TBL1X: variants seen among roughly 807,000 people sequenced by gnomAD.
TBL1X encodes the protein F-box-like/WD repeat-containing protein TBL1X.
TBL1X carries 10 observed loss-of-function variants against 50.7 expected under a neutral mutation model. The ratio of observed to expected loss-of-function variants is 0.20; its 90% confidence interval spans 0.12 to 0.33. The LOEUF is 0.33. Among genes scored for constraint, TBL1X ranks in the 10% least tolerant of loss-of-function variants. The pLI, the probability that TBL1X is intolerant of heterozygous loss-of-function variation, is 1.00. For missense variants in TBL1X, 340 were observed against 504.4 expected (o/e 0.67, Z 3.12); for synonymous variants, 190 against 214.7 (o/e 0.88, Z 1.01).
At chrX:9,679,261 T>C (rs2083011700) in intron 5 of TBL1X, among the ~76,000 whole-genome samples, 1 of 109,815 alleles carries the variant, frequency 9.1e-6, no homozygotes, top group African/African-American at 3.3e-5. Flanking sequence ...GAAACATTTT[T>C]GGTTGTTACA....
chrX:9,609,938 C>G (rs781373173), intron 2 of TBL1X, among the ~76,000 whole-genome samples: 1 of 112,659 alleles, frequency 8.9e-6, no homozygotes, highest in Non-Finnish European at 1.9e-5. Context: ...ATTGCACTTT[C>G]TGAGTTTCTC....
At chrX:9,661,382 G>A (rs1053906667) in intron 5 of TBL1X, among the ~76,000 whole-genome samples, 10 of 111,584 alleles carry the variant, frequency 9.0e-5, no homozygotes, top group African/African-American at 2.9e-4. Flanking sequence ...AAAATTAGCC[G>A]GGTGTGGTGG....
At chrX:9,550,980 T>C (rs918438596) in intron 2 of TBL1X, among the ~76,000 whole-genome samples, 2 of 110,824 alleles carry the variant, frequency 1.8e-5, no homozygotes, top group Non-Finnish European at 3.8e-5. Flanking sequence ...CAACCAAGAA[T>C]GATTTAGCCC....
chrX:9,575,114 G>T (rs954781561), intron 2 of TBL1X, among the ~76,000 whole-genome samples: 3 of 111,600 alleles, frequency 2.7e-5, no homozygotes, highest in African/African-American at 9.8e-5. Flanking sequence ...GGCAGAAGGC[G>T]AAGAGGAGGC....
intron 2 of TBL1X, among the ~76,000 whole-genome samples, chrX:9,636,124 T>G (rs1271853461): frequency 1.8e-5 from 2 of 111,921 alleles, no homozygotes; most frequent in African/African-American, 6.5e-5. Flanking sequence ...GAAAGCATTC[T>G]GTGGTCACCA....
intron 2 of TBL1X, among the ~76,000 whole-genome samples, chrX:9,626,300 A>G (rs1418640133): frequency 8.9e-6 from 1 of 112,101 alleles, no homozygotes; most frequent in Non-Finnish European, 1.9e-5. Context: ...TAGTTTGGAA[A>G]TTCTGATCAC....
At chrX:9,596,197 A>G (rs2082525750) in intron 2 of TBL1X, among the ~76,000 whole-genome samples, 1 of 112,428 alleles carries the variant, frequency 8.9e-6, no homozygotes, top group South Asian at 3.7e-4. Flanking sequence ...TTCATCAATG[A>G]AGATTAGATG....
chrX:9,711,833 GA>G, intron 16 of TBL1X, 57 bp downstream of exon 16: 1 of 1,125,876 alleles, frequency 8.9e-7, no homozygotes, highest in Non-Finnish European at 1.2e-6. Context: ...AAATAGCCAC[GA>G]CTCCAGTGCC....
At chrX:9,583,484 C>T (rs1213941190) in intron 2 of TBL1X, among the ~76,000 whole-genome samples, 1 of 111,683 alleles carries the variant, frequency 9.0e-6, no homozygotes, top group African/African-American at 3.3e-5. Flanking sequence ...TACAGATTAT[C>T]TTTGTGTTGT....
chrX:9,656,822 T>G, intron 5 of TBL1X, among the ~76,000 whole-genome samples: 1 of 112,513 alleles, frequency 8.9e-6, no homozygotes, highest in East Asian at 2.8e-4. Context: ...ATTCTGGGGT[T>G]ATTTTCTATG....
chrX:9,573,320 G>A (rs1478849495), intron 2 of TBL1X, among the ~76,000 whole-genome samples: 1 of 112,096 alleles, frequency 8.9e-6, no homozygotes, highest in African/African-American at 3.2e-5. Context: ...TTTTTGTTAT[G>A]TGACCAGTGT....
At chrX:9,569,522 G>C (rs878975608) in intron 2 of TBL1X, among the ~76,000 whole-genome samples, 1 of 112,062 alleles carries the variant, frequency 8.9e-6, no homozygotes, top group Non-Finnish European at 1.9e-5. Flanking sequence ...TGAGATCTGA[G>C]TAACAGGGAC....
chrX:9,654,740 A>G (rs1045169223), intron 5 of TBL1X, among the ~76,000 whole-genome samples: 5 of 111,013 alleles, frequency 4.5e-5, no homozygotes, highest in Non-Finnish European at 9.4e-5. Flanking sequence ...GCAATTTTCT[A>G]AAACTTAGGA....
chrX:9,512,743 C>A (rs780766967), intron 2 of TBL1X, among the ~76,000 whole-genome samples: 2 of 111,616 alleles, frequency 1.8e-5, no homozygotes, highest in African/African-American at 6.5e-5. Flanking sequence ...AGGTGATCCT[C>A]CCGCCTCAGC....
intron 5 of TBL1X, among the ~76,000 whole-genome samples, chrX:9,659,771 C>T (rs1054911977): frequency 8.9e-6 from 1 of 111,952 alleles, no homozygotes; most frequent in Non-Finnish European, 1.9e-5. Flanking sequence ...CAGAACTCCT[C>T]TGCCTGTCGC....
At chrX:9,650,358 C>G (rs1295657347) in intron 3 of TBL1X, among the ~76,000 whole-genome samples, 1 of 111,471 alleles carries the variant, frequency 9.0e-6, no homozygotes, top group African/African-American at 3.3e-5. Flanking sequence ...TTTTTTTCCC[C>G]CAGAGTAAAA....
At chrX:9,580,589 C>A (rs2082435680) in intron 2 of TBL1X, among the ~76,000 whole-genome samples, 1 of 110,847 alleles carries the variant, frequency 9.0e-6, no homozygotes, top group Non-Finnish European at 1.9e-5. Context: ...ATTTGGGAGC[C>A]CCAAGATTTA....
intron 3 of TBL1X, among the ~76,000 whole-genome samples, chrX:9,651,773 A>G (rs752752124): frequency 2.7e-5 from 3 of 112,585 alleles, no homozygotes; most frequent in Admixed American, 9.4e-5. Flanking sequence ...AGTATGTGCA[A>G]AAGTACAGAA....
rs748102252 is a variant in TBL1X, at chrX:9,709,277, G to A, written c.1266G>A (p.Pro422=). 5.0e-5 allele frequency: 60 copies of A among 1,210,002 alleles called. No individual in the cohort carries two copies. The highest frequency in any genetic ancestry group is 6.0e-5 in the Non-Finnish European group (54 of 895,230). The change falls in exon 14 of 18, where the codon CCG becomes CCA. Residue 422 remains proline (P), a synonymous_variant. Transcript: ENST00000645353. ...AGGTCAACGCCATCAAATGGGATCC[G>A]TCTGGAATGTTGCTGGCATCCTGCT... ...TNEVNAIKWD[P]SGMLLASCSD...
Sources: gnomAD v4.1 joint callset for allele counts (sites outside exome capture counted in the v4.1 genomes callset) on GRCh38, gnomAD v4.1.1 for gene constraint, MANE v1.5 for transcripts, NCBI Gene and HGNC (gene_info 2026-07-23, HGNC 2026-07-21) for gene names.